Variants in INCA1 observed in about 807,000 individuals in gnomAD.
INCA1 encodes the protein inhibitor of CDK, cyclin A1 interacting protein 1, also known as protein INCA1.
Under a neutral mutation model 25.7 loss-of-function variants are expected in INCA1, and 28 were observed. The ratio of observed to expected loss-of-function variants is 1.09; its 90% confidence interval spans 0.81 to 1.49. The LOEUF (loss-of-function observed/expected upper bound fraction) is 1.49, where lower values mean the gene tolerates loss of function less well. Ranked by LOEUF, INCA1 falls within the 40% of genes most tolerant of loss-of-function variation. INCA1 has a pLI of 0.00. For synonymous variants in INCA1, 111 were observed against 103.6 expected (o/e 1.07, Z -0.43); for missense variants, 309 against 290.9 (o/e 1.06, Z -0.45).
At chr17:4,989,724 C>G in intron 4 of INCA1, 100 bp from the exon 5 acceptor site, 2 of 1,555,084 alleles carry the variant, frequency 1.3e-6, no homozygotes, top group Admixed American at 1.7e-5. Context: ...TTGGGAAGAC[C>G]CCTGTGATCT....
At chr17:4,988,380 G>GCCT in exon 7 of INCA1, 1 of 1,577,852 alleles carries the variant, frequency 6.3e-7, no homozygotes, top group South Asian at 1.2e-5. Flanking sequence ...GGCACCACTA[G>GCCT]CCTCTCGGCA....
Position 4,988,887 on chromosome 17 carries a change from G to A in INCA1, c.453C>T (p.Gly151=), listed in dbSNP as rs376708639. The A allele has an allele frequency of 9.9e-6, 16 of 1,614,020 alleles. 1 individual carries two copies. Among genetic ancestry groups the A allele is most frequent in the African/African-American group, 1.3e-5 (1 of 74,914 alleles). Residue 151 remains glycine, a synonymous_variant, in exon 6 of 7, where the codon GGC becomes GGT. Coordinates refer to ENST00000576820, the Ensembl canonical transcript of INCA1. ...TGCTGGGGAATCCACAGCCCTCTTC[G>A]CCAAGCACCACTGGCTCAGATGCAG...
intron 1 of INCA1, among the ~76,000 whole-genome samples, chr17:4,995,289 G>T (rs1265452430): frequency 2.0e-5 from 3 of 152,188 alleles, no homozygotes; most frequent in African/African-American, 7.2e-5. Flanking sequence ...AGTGGATGTG[G>T]TAAAAAGATA....
intron 2 of INCA1, among the ~76,000 whole-genome samples, chr17:4,991,606 T>TATAA (rs956296863): frequency 2.0e-5 from 3 of 152,144 alleles, no homozygotes; most frequent in African/African-American, 4.8e-5. Context: ...GGGCCCTTTA[T>TATAA]CTTCTCTGTC....
chr17:4,989,710 G>A (rs1973703701), intron 4 of INCA1, 86 bp from the exon 5 acceptor site: 6 of 1,571,510 alleles, frequency 3.8e-6, no homozygotes, highest in Non-Finnish European at 5.2e-6. Context: ...GGGAGTCTGG[G>A]GTCTTGGGAA....
intron 2 of INCA1, among the ~76,000 whole-genome samples, chr17:4,992,933 G>A (rs1329121668): frequency 6.6e-6 from 1 of 152,170 alleles, no homozygotes; most frequent in Non-Finnish European, 1.5e-5. Context: ...AGGCTGGAGT[G>A]CAATGGCACA....
At chr17:4,990,008 C>T (rs1567708627) in intron 3 of INCA1, 79 bp from the exon 4 acceptor site, 8 of 1,611,900 alleles carry the variant, frequency 5.0e-6, no homozygotes, top group East Asian at 2.2e-5. Context: ...TCTCTCCCGA[C>T]CTCCTTTCTG....
chr17:4,990,007 A>G, intron 3 of INCA1, 78 bp from the exon 4 acceptor site: 3 of 1,611,234 alleles, frequency 1.9e-6, no homozygotes, highest in Non-Finnish European at 1.7e-6. Context: ...ATCTCTCCCG[A>G]CCTCCTTTCT....
At chr17:4,988,683 C>A (rs970841370) in intron 6 of INCA1, 96 bp downstream of exon 6, 7 of 1,574,628 alleles carry the variant, frequency 4.4e-6, no homozygotes, top group South Asian at 1.1e-5. Context: ...TCTCTCAAAT[C>A]CAGCTCTCCA....
At chr17:4,993,260 A>G (rs1262864950) in intron 2 of INCA1, among the ~76,000 whole-genome samples, 2 of 125,004 alleles carry the variant, frequency 1.6e-5, no homozygotes, top group Non-Finnish European at 3.5e-5. Flanking sequence ...GCTCACCACA[A>G]CCTCTGCCTC....
chr17:4,994,646 C>T (rs980361699), intron 1 of INCA1, among the ~76,000 whole-genome samples, 171 bp from the exon 2 acceptor site: 6 of 151,882 alleles, frequency 4.0e-5, no homozygotes, highest in South Asian at 2.1e-4. Flanking sequence ...AAACATTAGT[C>T]GGGTGTGGTG....
At chr17:4,988,848 A>C in exon 6 of INCA1, 1 of 1,614,210 alleles carries the variant, frequency 6.2e-7, no homozygotes, top group Non-Finnish European at 8.5e-7. Context: ...CTTCCAGATC[A>C]GGGTATTCAT....
rs778851278 is a variant in INCA1 at position 4,988,490 on chromosome 17, G to C, written c.626C>G (p.Ser209Cys). The change falls in exon 7 of 7, where the codon TCT (serine) becomes TGT (cysteine). Residue 209 changes from serine to cysteine, a missense_variant. Coordinates refer to ENST00000576820, the Ensembl canonical transcript of INCA1. Reference sequence around the variant, plus strand: ...TGTGACAGTGCTGAACGAGGCCAGAGAGTGCAGCTGCCTGGAGGCACAAGC... The same window carrying C: ...TGTGACAGTGCTGAACGAGGCCAGACAGTGCAGCTGCCTGGAGGCACAAGC... The C allele has an allele frequency of 1.9e-6, 3 of 1,614,142 alleles. No homozygotes were observed. Among genetic ancestry groups the C allele is most frequent in the Non-Finnish European group, 2.5e-6 (3 of 1,179,970 alleles).
chr17:4,991,676 A>G (rs1177483317), intron 2 of INCA1, among the ~76,000 whole-genome samples: 3 of 152,048 alleles, frequency 2.0e-5, no homozygotes, highest in African/African-American at 7.2e-5. Flanking sequence ...GATGACTCCC[A>G]AATCTATATA....
At chr17:4,989,760 A>T in intron 4 of INCA1, 130 bp downstream of exon 4, 1 of 1,554,812 alleles carries the variant, frequency 6.4e-7, no homozygotes, top group South Asian at 1.1e-5. Context: ...TGATTCATAG[A>T]AAGGAAGGCC....
chr17:4,991,220 A>T (rs2143194682), intron 2 of INCA1, among the ~76,000 whole-genome samples: 1 of 152,174 alleles, frequency 6.6e-6, no homozygotes, highest in South Asian at 2.1e-4. Flanking sequence ...GCCCGGCCTA[A>T]TCTCAACGTT....
intron 2 of INCA1, among the ~76,000 whole-genome samples, chr17:4,993,610 A>C (rs1172914182): frequency 1.3e-5 from 2 of 151,794 alleles, no homozygotes; most frequent in Non-Finnish European, 2.9e-5. Flanking sequence ...CTGGGACTAC[A>C]GGCGCCCGCC....
At chr17:4,995,003 C>T (rs1201021314) in intron 1 of INCA1, among the ~76,000 whole-genome samples, 2 of 151,810 alleles carry the variant, frequency 1.3e-5, no homozygotes, top group African/African-American at 2.4e-5. Context: ...GTTGGGAGTT[C>T]GAGACCAGTC....
chr17:4,989,793 A>G, intron 4 of INCA1, 97 bp downstream of exon 4: 3 of 1,586,516 alleles, frequency 1.9e-6, no homozygotes, highest in Non-Finnish European at 2.6e-6. Context: ...TGGTTGGGGA[A>G]TAACAGAGGG....
Sources: gnomAD v4.1 joint callset for allele counts (sites outside exome capture counted in the v4.1 genomes callset) on GRCh38, gnomAD v4.1.1 for gene constraint, MANE v1.5 for transcripts, NCBI Gene and HGNC (gene_info 2026-07-23, HGNC 2026-07-21) for gene names.